The following ADGRB3 variants were observed in gnomAD, a reference collection of about 807,000 sequenced individuals.
ADGRB3 encodes the protein adhesion G protein-coupled receptor B3.
A neutral mutation model predicts 193.4 loss-of-function variants in ADGRB3; 37 were observed. The observed-to-expected ratio is 0.19, with a 90% CI of 0.15 to 0.25. ADGRB3 has a LOEUF of 0.25. ADGRB3 is among the 10% of genes least tolerant of loss of function. ADGRB3 has a pLI of 1.00. For synonymous variants in ADGRB3, 690 were observed against 644.2 expected, an observed-to-expected ratio of 1.07 and a Z score of -1.08; for missense variants, 1,637 against 1,852.9, an observed-to-expected ratio of 0.88 and a Z score of 2.14.
chr6:68,992,321 A>G (rs1037641327), intron 10 of ADGRB3, among the ~76,000 whole-genome samples: 1 of 152,188 alleles, frequency 6.6e-6, no homozygotes, highest in Non-Finnish European at 1.5e-5. Flanking sequence ...AATTACCAGT[A>G]GTTTAGAAGC....
intron 17 of ADGRB3, among the ~76,000 whole-genome samples, chr6:69,157,292 G>T (rs555768639): frequency 1.3e-5 from 2 of 152,136 alleles, no homozygotes; most frequent in African/African-American, 4.8e-5. Context: ...CATGAATATC[G>T]CAAGTGTCAT....
intron 3 of ADGRB3, among the ~76,000 whole-genome samples, chr6:68,855,648 A>G (rs983039047): frequency 3.3e-5 from 5 of 152,278 alleles, no homozygotes; most frequent in Non-Finnish European, 7.4e-5. Flanking sequence ...TTACTCTTCA[A>G]AGAACAATAG....
intron 24 of ADGRB3, 109 bp downstream of exon 24, chr6:69,333,117 G>A (rs74971437): frequency 8.2e-7 from 1 of 1,223,404 alleles, no homozygotes; most frequent in East Asian, 2.6e-5. Context: ...TGTTATTGAT[G>A]TACTAGTGTG....
chr6:68,946,219 CA>C (rs894284446), intron 6 of ADGRB3, among the ~76,000 whole-genome samples: 3 of 151,558 alleles, frequency 2.0e-5, no homozygotes, highest in African/African-American at 7.3e-5. Context: ...CAGGCTGTGC[CA>C]AAAAAATCGA....
chr6:68,991,670 C>T (rs1181998651), intron 10 of ADGRB3, among the ~76,000 whole-genome samples: 1 of 151,864 alleles, frequency 6.6e-6, no homozygotes, highest in Middle Eastern at 3.4e-3. Context: ...CAGCAAATGG[C>T]GGGGAACGGG....
intron 3 of ADGRB3, among the ~76,000 whole-genome samples, chr6:68,806,611 T>C (rs1767405550): frequency 6.6e-6 from 1 of 151,812 alleles, no homozygotes; most frequent in African/African-American, 2.4e-5. Flanking sequence ...GCTATTTTTC[T>C]TTCTGATTTT....
chr6:69,156,592 G>A (rs1171498840), intron 17 of ADGRB3, among the ~76,000 whole-genome samples: 1 of 152,186 alleles, frequency 6.6e-6, no homozygotes, highest in Non-Finnish European at 1.5e-5. Context: ...TGTTCAGAAA[G>A]CATTGAGAAG....
At chr6:68,864,891 TAG>T (rs10583167) in intron 3 of ADGRB3, among the ~76,000 whole-genome samples, 67,507 of 151,826 alleles carry the variant, frequency 0.44, 16,407 homozygotes, top group East Asian at 0.6. Context: ...AGTATCTGAA[TAG>T]ATTGTTGATT....
At chr6:68,848,967 C>T (rs72902918) in intron 3 of ADGRB3, among the ~76,000 whole-genome samples, 20,366 of 151,900 alleles carry the variant, frequency 0.13, 1,819 homozygotes, top group Non-Finnish European at 0.2. Context: ...ATAAAAACAC[C>T]ATTCCTGAAA....
At chr6:68,992,700 A>G (rs1769270400) in intron 10 of ADGRB3, among the ~76,000 whole-genome samples, 2 of 152,360 alleles carry the variant, frequency 1.3e-5, no homozygotes, top group Middle Eastern at 3.4e-3. Context: ...ACATCTTTAC[A>G]GAAAAAGAAA....
chr6:69,138,178 C>T lies in ADGRB3; in HGVS notation c.2480+62140C>T, dbSNP rs1042908816. Among the ~76,000 whole-genome samples, 7 of 152,262 alleles carry T rather than the reference C, an allele frequency of 4.6e-5. No homozygotes were observed. In the East Asian group the frequency reaches 1.4e-3, roughly 29 times the overall value. ...TGGAATATATGGCTTACTGTGTTCC[C>T]AGGAAGAAGAAAAAAATTTTGGAGA... On this transcript the variant is annotated intron_variant, in intron 17 of 31. Transcript: ENST00000370598.
intron 3 of ADGRB3, among the ~76,000 whole-genome samples, chr6:68,864,969 CTT>C (rs1162892226): frequency 6.6e-6 from 1 of 152,188 alleles, no homozygotes; most frequent in Non-Finnish European, 1.5e-5. Flanking sequence ...TACTATATCT[CTT>C]AAATTCTCGT....
intron 3 of ADGRB3, among the ~76,000 whole-genome samples, chr6:68,718,900 C>G (rs1409438992): frequency 6.6e-6 from 1 of 151,726 alleles, no homozygotes. Context: ...TTAAGGCTGC[C>G]TTTGCGCTGT....
At chr6:68,897,205 A>G (rs1766241232) in intron 3 of ADGRB3, among the ~76,000 whole-genome samples, 1 of 151,846 alleles carries the variant, frequency 6.6e-6, no homozygotes, top group Non-Finnish European at 1.5e-5. Flanking sequence ...TACAAGAAAT[A>G]CAGAGAGGTT....
At chr6:68,965,643 C>A (rs944835473) in intron 8 of ADGRB3, among the ~76,000 whole-genome samples, 1 of 152,092 alleles carries the variant, frequency 6.6e-6, no homozygotes, top group Non-Finnish European at 1.5e-5. Context: ...GTAATTGCTA[C>A]CTTACTTTAA....
In ADGRB3 at chr6:68,639,427, A is replaced by C. The variant is rs1454733076; in HGVS notation, c.752A>C (p.Lys251Thr). Reference protein sequence around the residue: ...NLTREAKRPPKEEFGMMGDHT... With the variant: ...NLTREAKRPPTEEFGMMGDHT... ...ACCAGGGAGGCCAAGCGACCACCCAAAGAAGGTAAGTGCCAAAGAGAGGGG... is the reference window on the plus strand; with the variant it reads ...ACCAGGGAGGCCAAGCGACCACCCACAGAAGGTAAGTGCCAAAGAGAGGGG... Residue 251 changes from lysine to threonine, a missense_variant, in exon 3 of 32, where the codon AAA becomes ACA. Around this residue, in one of 7 missense-constraint regions of ADGRB3, gnomAD observed 365 missense variants for 409.8 expected, o/e 0.89. Transcript: ENST00000370598. 2.5e-6 allele frequency: 4 copies of C among 1,603,774 alleles called. No homozygotes were observed. Among genetic ancestry groups the C allele is most frequent in the African/African-American group, 1.3e-5 (1 of 74,622 alleles).
At chr6:69,025,144 G>T (rs982336184) in intron 13 of ADGRB3, among the ~76,000 whole-genome samples, 1 of 151,828 alleles carries the variant, frequency 6.6e-6, no homozygotes, top group Admixed American at 6.6e-5. Flanking sequence ...TATTAAGTTT[G>T]TCAGGATGAA....
At chr6:68,700,276 TA>T (rs1765220309) in intron 3 of ADGRB3, among the ~76,000 whole-genome samples, 1 of 152,160 alleles carries the variant, frequency 6.6e-6, no homozygotes, top group African/African-American at 2.4e-5. Context: ...ATTAAATAAG[TA>T]TGCTATCAAA....
chr6:69,310,990 A>G (rs1157184699), intron 20 of ADGRB3, among the ~76,000 whole-genome samples: 1 of 151,714 alleles, frequency 6.6e-6, no homozygotes, highest in East Asian at 1.9e-4. Context: ...TTTTTCCCAC[A>G]TGCTGAGAAA....
Sources: gnomAD v4.1 joint callset for allele counts (sites outside exome capture counted in the v4.1 genomes callset) on GRCh38, gnomAD v4.1.1 for gene constraint, gnomAD v4.1.1 regional missense constraint, MANE v1.5 for transcripts, NCBI Gene and HGNC (gene_info 2026-07-23, HGNC 2026-07-21) for gene names.